The following MYO16 variants were observed in gnomAD, a reference collection of about 807,000 sequenced individuals.
MYO16 encodes the protein unconventional myosin-XVI.
MYO16 carries 94 observed loss-of-function variants against 205.3 expected under a neutral mutation model. The ratio of observed to expected loss-of-function variants is 0.46; its 90% confidence interval spans 0.39 to 0.54. MYO16 has a LOEUF of 0.54. Among genes scored for constraint, MYO16 ranks in the 20% least tolerant of loss-of-function variants. MYO16 has a pLI of 0.00. For missense variants in MYO16, 2,315 were observed against 2,387.5 expected (o/e 0.97, Z 0.63); for synonymous variants, 988 against 954.0 (o/e 1.04, Z -0.66).
At chr13:109,019,656 A>C in intron 22 of MYO16, 55 bp from the exon 23 acceptor site, 1 of 1,404,292 alleles carries the variant, frequency 7.1e-7, no homozygotes, top group Non-Finnish European at 9.8e-7. Context: ...ATAATAACAA[A>C]AATATCAAAC....
At chr13:108,904,603 T>C (rs1880870147) in intron 15 of MYO16, among the ~76,000 whole-genome samples, 1 of 152,204 alleles carries the variant, frequency 6.6e-6, no homozygotes, top group Admixed American at 6.5e-5. Context: ...TGTTTACAGA[T>C]TATATGTAAC....
the MYO16 span, among the ~76,000 whole-genome samples, chr13:108,573,855 A>T: frequency 6.6e-6 from 1 of 152,018 alleles, no homozygotes; most frequent in Non-Finnish European, 1.5e-5. Context: ...TTTCTTGTTT[A>T]TTTATTTATG....
At chr13:108,659,047 T>C (rs894920986) in intron 1 of MYO16, among the ~76,000 whole-genome samples, 11 of 151,596 alleles carry the variant, frequency 7.3e-5, no homozygotes, top group African/African-American at 1.2e-4. Context: ...TACAGCAGAA[T>C]AAATTTACAT....
intron 16 of MYO16, 59 bp downstream of exon 16, chr13:108,910,209 G>A: frequency 6.6e-7 from 1 of 1,522,182 alleles, no homozygotes; most frequent in Non-Finnish European, 9.0e-7. Context: ...ATTGCAATTT[G>A]GTAGTCTTAA....
At chr13:109,075,383 T>TGTGA (rs1566493664) in intron 27 of MYO16, among the ~76,000 whole-genome samples, 3 of 151,802 alleles carry the variant, frequency 2.0e-5, no homozygotes, top group Non-Finnish European at 4.4e-5. Flanking sequence ...AGCATTTCCT[T>TGTGA]TTTTTTTCTT....
At chr13:109,029,455 TC>T (rs1428942377) in intron 23 of MYO16, among the ~76,000 whole-genome samples, 1 of 152,108 alleles carries the variant, frequency 6.6e-6, no homozygotes, top group East Asian at 1.9e-4. Context: ...TCATAACGTG[TC>T]CTTTACCTCC....
intron 2 of MYO16, among the ~76,000 whole-genome samples, chr13:108,704,053 C>A (rs548632942): frequency 2.6e-5 from 4 of 152,240 alleles, no homozygotes; most frequent in Middle Eastern, 3.4e-3. Flanking sequence ...CATCCACAAG[C>A]CAAGAAGAGA....
intron 7 of MYO16, among the ~76,000 whole-genome samples, chr13:108,817,050 A>T (rs979016942): frequency 2.6e-5 from 4 of 152,196 alleles, no homozygotes; most frequent in Admixed American, 2.0e-4. Flanking sequence ...TACTATGACA[A>T]TATCAAGTGT....
In MYO16 at chr13:108,753,789, C is replaced by G. The variant is rs187326353; in HGVS notation, c.507+26206C>G. ...CAATTAGCTGGAAAAGAATCAAGAC[C>G]TACATTAACTTGCACAAAGTAGGAG... On this transcript the variant is annotated intron_variant, in intron 4 of 34. Transcript: ENST00000457511. Among the ~76,000 whole-genome samples, 303 of 152,252 alleles carry G rather than the reference C, an allele frequency of 2.0e-3. 1 individual carries two copies. The highest frequency in any genetic ancestry group is 3.5e-3 in the Admixed American group (54 of 15,284).
chr13:109,014,154 G>A (rs1421650637), intron 22 of MYO16, among the ~76,000 whole-genome samples: 1 of 152,180 alleles, frequency 6.6e-6, no homozygotes, highest in Non-Finnish European at 1.5e-5. Flanking sequence ...TAAGGTGTAA[G>A]GAAGGGATCC....
intron 18 of MYO16, 141 bp from the exon 19 acceptor site, chr13:108,962,283 T>C: frequency 1.6e-6 from 1 of 624,684 alleles, no homozygotes; most frequent in Non-Finnish European, 2.8e-6. Context: ...AATTTGACAA[T>C]TACAGTGGTA....
chr13:108,770,983 T>A (rs1885943141), intron 4 of MYO16, among the ~76,000 whole-genome samples: 1 of 152,230 alleles, frequency 6.6e-6, no homozygotes, highest in Non-Finnish European at 1.5e-5. Context: ...AGTGGATACT[T>A]GTAAACCTCT....
chr13:108,744,116 A>G (rs1884989064), intron 4 of MYO16, among the ~76,000 whole-genome samples: 1 of 152,222 alleles, frequency 6.6e-6, no homozygotes, highest in African/African-American at 2.4e-5. Flanking sequence ...CATGTAAATG[A>G]CCACACATAC....
chr13:108,576,810 G>A, the MYO16 span, among the ~76,000 whole-genome samples: 9 of 151,962 alleles, frequency 5.9e-5, no homozygotes, highest in Middle Eastern at 3.4e-3. Flanking sequence ...TGCCCAGGCT[G>A]GAGTGCAGTG....
intron 33 of MYO16, among the ~76,000 whole-genome samples, chr13:109,173,671 G>A (rs1374458601): frequency 3.3e-5 from 5 of 151,920 alleles, no homozygotes; most frequent in Non-Finnish European, 7.4e-5. Flanking sequence ...TGAGGCAGGC[G>A]GATTACAAGG....
chr13:108,874,407 A>G (rs1175417863), intron 12 of MYO16, among the ~76,000 whole-genome samples: 2 of 152,206 alleles, frequency 1.3e-5, no homozygotes, highest in African/African-American at 4.8e-5. Context: ...AATTCTAGGA[A>G]ATGAAAACAG....
At chr13:109,003,396 A>G (rs1471955789) in intron 21 of MYO16, among the ~76,000 whole-genome samples, 1 of 152,216 alleles carries the variant, frequency 6.6e-6, no homozygotes, top group Non-Finnish European at 1.5e-5. Context: ...TATGCCACAA[A>G]AAGAACTCGC....
chr13:108,636,372 T>G (rs1286720554), intron 1 of MYO16, among the ~76,000 whole-genome samples: 3 of 120,768 alleles, frequency 2.5e-5, no homozygotes, highest in African/African-American at 1.0e-4. Flanking sequence ...TTTTTTTTTG[T>G]GTGTGTGTGT....
At chr13:108,995,440 CT>C (rs535596169) in intron 21 of MYO16, among the ~76,000 whole-genome samples, 64 of 152,048 alleles carry the variant, frequency 4.2e-4, no homozygotes, top group African/African-American at 1.3e-3. Context: ...AAAAGTATTT[CT>C]TTTTTTTATT....
Sources: allele counts gnomAD v4.1 joint callset (sites outside exome capture counted in the v4.1 genomes callset), GRCh38; gene constraint gnomAD v4.1.1; transcripts MANE v1.5; gene names NCBI Gene and HGNC (gene_info 2026-07-23, HGNC 2026-07-21).